Variants in CDH13 observed in about 807,000 individuals in gnomAD.
CDH13 encodes the protein cadherin-13.
Under a neutral mutation model 63.8 loss-of-function variants are expected in CDH13, and 24 were observed. That is an observed-to-expected ratio of 0.38 (90% CI 0.27 to 0.53). The LOEUF is 0.53. Among genes scored for constraint, CDH13 ranks in the 20% least tolerant of loss-of-function variants. CDH13 has a pLI of 0.85. For missense variants in CDH13, 1,049 were observed against 903.1 expected (o/e 1.16, Z -2.07); for synonymous variants, 503 against 355.3 (o/e 1.42, Z -4.67).
chr16:83,223,850 C>T (rs888517658), intron 5 of CDH13, among the ~76,000 whole-genome samples: 1 of 152,078 alleles, frequency 6.6e-6, no homozygotes, highest in Non-Finnish European at 1.5e-5. Context: ...TTTTTTAATT[C>T]CATGGGTTTT....
intron 10 of CDH13, among the ~76,000 whole-genome samples, chr16:83,746,113 C>T (rs939230557): frequency 6.6e-6 from 1 of 152,186 alleles, no homozygotes; most frequent in Admixed American, 6.5e-5. Flanking sequence ...GCCACGGTAA[C>T]AAAGTATTGC....
intron 1 of CDH13, among the ~76,000 whole-genome samples, chr16:82,821,024 C>A (rs117922971): frequency 6.6e-6 from 1 of 152,024 alleles, no homozygotes; most frequent in South Asian, 2.1e-4. Context: ...TCAGTTACAG[C>A]GGAAATGATC....
chr16:82,842,332 C>T (rs1303522489), intron 1 of CDH13, among the ~76,000 whole-genome samples: 1 of 151,502 alleles, frequency 6.6e-6, no homozygotes, highest in Non-Finnish European at 1.5e-5. Context: ...AGTAGCTGCA[C>T]CGAAGAGACA....
intron 1 of CDH13, among the ~76,000 whole-genome samples, chr16:82,737,308 T>C (rs535172057): frequency 6.6e-6 from 1 of 152,360 alleles, no homozygotes; most frequent in East Asian, 1.9e-4. Flanking sequence ...TCTCTCTCTT[T>C]GCTGCTCTCA....
chr16:83,566,876 A>C (rs1288640516), intron 7 of CDH13, among the ~76,000 whole-genome samples: 2 of 152,182 alleles, frequency 1.3e-5, no homozygotes, highest in Non-Finnish European at 2.9e-5. Flanking sequence ...CTCAGCAACC[A>C]AGAGGAAAAA....
At chr16:83,594,302 G>A (rs529167184) in intron 7 of CDH13, among the ~76,000 whole-genome samples, 7 of 152,128 alleles carry the variant, frequency 4.6e-5, no homozygotes, top group East Asian at 1.9e-4. Flanking sequence ...TAATTCTCAC[G>A]TATCCTATAA....
At chr16:83,369,809 T>C (rs1351634336) in intron 6 of CDH13, among the ~76,000 whole-genome samples, 1 of 152,088 alleles carries the variant, frequency 6.6e-6, no homozygotes, top group African/African-American at 2.4e-5. Context: ...CAACATCCTT[T>C]CTCTAGAAAC....
intron 2 of CDH13, among the ~76,000 whole-genome samples, chr16:82,941,592 A>T (rs1461549902): frequency 6.6e-6 from 1 of 152,198 alleles, no homozygotes; most frequent in African/African-American, 2.4e-5. Flanking sequence ...AGAAAGTTGT[A>T]TTTGGAGATT....
chr16:83,689,286 CT>C (rs201916264), intron 10 of CDH13, among the ~76,000 whole-genome samples: 50 of 151,050 alleles, frequency 3.3e-4, no homozygotes, highest in African/African-American at 9.2e-4. Context: ...ATCTACTTAG[CT>C]TTTTTTTTAA....
intron 2 of CDH13, among the ~76,000 whole-genome samples, chr16:82,920,938 C>T (rs1287609248): frequency 6.6e-6 from 1 of 152,160 alleles, no homozygotes; most frequent in African/African-American, 2.4e-5. Context: ...AATCTTTTAT[C>T]ATGAATAAGT....
intron 6 of CDH13, among the ~76,000 whole-genome samples, chr16:83,374,698 T>C (rs1449502312): frequency 6.6e-6 from 1 of 152,202 alleles, no homozygotes; most frequent in Non-Finnish European, 1.5e-5. Context: ...CATTTGTTAT[T>C]ATGAAAGCAT....
chr16:82,731,364 T>C (rs956754918), intron 1 of CDH13, among the ~76,000 whole-genome samples: 2 of 152,166 alleles, frequency 1.3e-5, no homozygotes, highest in African/African-American at 4.8e-5. Context: ...AGGCTCACAG[T>C]TTGCTGAACT....
chr16:82,743,408 T>C (rs943053897), intron 1 of CDH13, among the ~76,000 whole-genome samples: 1 of 152,086 alleles, frequency 6.6e-6, no homozygotes, highest in Non-Finnish European at 1.5e-5. Context: ...TTGCATTTTT[T>C]TGTAGTGACA....
chr16:82,851,915 G>C (rs758037324), intron 1 of CDH13, among the ~76,000 whole-genome samples: 35 of 152,264 alleles, frequency 2.3e-4, no homozygotes, highest in Non-Finnish European at 4.4e-4. Context: ...TCAATACACT[G>C]ACTTTAACAA....
At chr16:83,418,528 G>A (rs1597974452) in intron 6 of CDH13, among the ~76,000 whole-genome samples, 1 of 152,250 alleles carries the variant, frequency 6.6e-6, no homozygotes, top group East Asian at 1.9e-4. Flanking sequence ...ATATAGTGAG[G>A]GTATGAGGCA....
At position 82,804,312 on chromosome 16, in the gene CDH13, C is replaced by CACACACACACACAT. The variant is rs58046063; in HGVS notation, c.46-54050_46-54049insACACACACACACAT. Among the ~76,000 whole-genome samples, 363 of 148,366 alleles carry CACACACACACACAT rather than the reference C, an allele frequency of 2.4e-3. 1 individual carries two copies. The highest frequency in any genetic ancestry group is 6.9e-3 in the Middle Eastern group (2 of 290). On this transcript the variant is annotated intron_variant, in intron 1 of 13. Transcript: ENST00000567109. ...ACACACACACACACACACACACACA[C>CACACACACACACAT]GCACACACATACAAATACAAAGAAA...
At chr16:83,699,604 C>A (rs1337110940) in intron 10 of CDH13, among the ~76,000 whole-genome samples, 1 of 152,192 alleles carries the variant, frequency 6.6e-6, no homozygotes, top group Admixed American at 6.5e-5. Flanking sequence ...CCCTTCTCCC[C>A]AGTCCTCCCT....
intron 4 of CDH13, among the ~76,000 whole-genome samples, chr16:83,176,019 G>T (rs8058806): frequency 0.045 from 6,462 of 145,206 alleles, 470 homozygotes; most frequent in African/African-American, 0.16. Context: ...TTTTGTTTTT[G>T]TTTTTTTTTC....
chr16:83,326,868 A>G (rs925604450), intron 5 of CDH13, among the ~76,000 whole-genome samples: 4 of 152,178 alleles, frequency 2.6e-5, no homozygotes, highest in Admixed American at 6.5e-5. Context: ...CCCAGAACCT[A>G]TGCATCAGTC....
Sources: allele counts gnomAD v4.1 joint callset (sites outside exome capture counted in the v4.1 genomes callset), GRCh38; gene constraint gnomAD v4.1.1; transcripts MANE v1.5; gene names NCBI Gene and HGNC (gene_info 2026-07-23, HGNC 2026-07-21).